TASP1: variants seen among roughly 807,000 people sequenced by gnomAD.
TASP1 encodes the protein threonine aspartase 1.
In TASP1, 16 loss-of-function variants were observed where a neutral mutation model predicts 56.6. The ratio of observed to expected loss-of-function variants is 0.28; its 90% CI spans 0.19 to 0.43. The LOEUF is 0.43. Among genes scored for constraint, TASP1 ranks in the 20% least tolerant of loss-of-function variants. The pLI is 1.00. For synonymous variants in TASP1, 179 were observed against 184.2 expected (o/e 0.97, Z 0.23); for missense variants, 393 against 511.6 (o/e 0.77, Z 2.24).
chr20:13,226,923 C>G, the TASP1 span, among the ~76,000 whole-genome samples: 36,017 of 152,034 alleles, frequency 0.24, 4,318 homozygotes, highest in African/African-American at 0.28. Flanking sequence ...GAAGAGCATG[C>G]GTACAGGGAG....
the TASP1 span, among the ~76,000 whole-genome samples, chr20:13,117,190 G>A: frequency 1.3e-5 from 2 of 152,178 alleles, no homozygotes; most frequent in African/African-American, 4.8e-5. Context: ...AATCCAGAAT[G>A]GTCAGTCTAG....
At chr20:13,261,458 A>G in the TASP1 span, among the ~76,000 whole-genome samples, 1 of 151,866 alleles carries the variant, frequency 6.6e-6, no homozygotes, top group Non-Finnish European at 1.5e-5. Context: ...AAGCTCAAAG[A>G]GTGTGGAAGC....
the TASP1 span, among the ~76,000 whole-genome samples, chr20:13,178,614 A>C: frequency 1.5e-4 from 23 of 152,146 alleles, no homozygotes; most frequent in African/African-American, 5.3e-4. Context: ...GAGGGAACTC[A>C]AGGACATTAT....
chr20:13,222,523 C>T, the TASP1 span, among the ~76,000 whole-genome samples: 7 of 152,052 alleles, frequency 4.6e-5, no homozygotes, highest in Non-Finnish European at 8.8e-5. Context: ...CCCCCTTGGT[C>T]ATGGGGAAGG....
At chr20:13,303,535 CA>C in the TASP1 span, among the ~76,000 whole-genome samples, 1 of 152,300 alleles carries the variant, frequency 6.6e-6, no homozygotes, top group African/African-American at 2.4e-5. Flanking sequence ...ACATAACAGG[CA>C]CCTAACCTTC....
chr20:13,271,882 G>A, the TASP1 span, among the ~76,000 whole-genome samples: 3 of 152,058 alleles, frequency 2.0e-5, no homozygotes, highest in Admixed American at 6.6e-5. Flanking sequence ...AGGCTCAAGC[G>A]ATCCTCCCAC....
At chr20:13,355,063 G>A in the TASP1 span, among the ~76,000 whole-genome samples, 1 of 152,136 alleles carries the variant, frequency 6.6e-6, no homozygotes, top group Admixed American at 6.5e-5. Flanking sequence ...TAGGAAAATA[G>A]AGGGAAAGGA....
At chr20:13,253,229 G>C in the TASP1 span, among the ~76,000 whole-genome samples, 4 of 152,150 alleles carry the variant, frequency 2.6e-5, no homozygotes, top group East Asian at 7.7e-4. Flanking sequence ...CTCACCCTGC[G>C]TGTTGATCTC....
chr20:13,495,938 T>C (rs1489050436), intron 10 of TASP1, among the ~76,000 whole-genome samples: 2 of 152,142 alleles, frequency 1.3e-5, no homozygotes, highest in Non-Finnish European at 1.5e-5. Context: ...AACCAATACA[T>C]AGATTCCATA....
chr20:13,464,285 A>C (rs749829734), intron 11 of TASP1, among the ~76,000 whole-genome samples: 1 of 152,208 alleles, frequency 6.6e-6, no homozygotes, highest in Non-Finnish European at 1.5e-5. Context: ...TAGGACACAG[A>C]AAACTCACAG....
chr20:13,631,128 C>T (rs1381922925), intron 1 of TASP1, among the ~76,000 whole-genome samples: 1 of 152,080 alleles, frequency 6.6e-6, no homozygotes, highest in African/African-American at 2.4e-5. Context: ...GTCTGACAAG[C>T]ACTGTTATCT....
At chr20:13,449,749 T>C (rs1360851870) in intron 11 of TASP1, among the ~76,000 whole-genome samples, 2 of 152,146 alleles carry the variant, frequency 1.3e-5, no homozygotes, top group Non-Finnish European at 2.9e-5. Context: ...CTTACAACTC[T>C]AGGTCTAGAA....
the TASP1 span, among the ~76,000 whole-genome samples, chr20:13,154,451 C>A: frequency 6.6e-6 from 1 of 152,158 alleles, no homozygotes; most frequent in Non-Finnish European, 1.5e-5. Context: ...GACCCAAGAT[C>A]GTTCTCAGGG....
At chr20:13,189,554 C>T in the TASP1 span, among the ~76,000 whole-genome samples, 13 of 151,976 alleles carry the variant, frequency 8.6e-5, no homozygotes, top group African/African-American at 2.2e-4. Context: ...TATGAAAAAA[C>T]GCTCAACATC....
chr20:13,369,680 A>G, the TASP1 span, among the ~76,000 whole-genome samples: 2 of 152,168 alleles, frequency 1.3e-5, no homozygotes, highest in African/African-American at 4.8e-5. Context: ...TAAATAATGG[A>G]TAGGTAGTTT....
At chr20:13,569,768 T>G (rs56294831) in intron 6 of TASP1, among the ~76,000 whole-genome samples, 182 bp from the exon 7 acceptor site, 3 of 152,136 alleles carry the variant, frequency 2.0e-5, no homozygotes, top group Admixed American at 6.5e-5. Context: ...TTCTCCAAAT[T>G]AGAAATTTTA....
At chr20:13,435,289 C>T (rs927227138) in intron 11 of TASP1, 135 bp from the exon 12 acceptor site, 6 of 678,686 alleles carry the variant, frequency 8.8e-6, no homozygotes, top group South Asian at 2.0e-5. Flanking sequence ...ATTGTTCATA[C>T]CTCATTATAT....
downstream of TASP1, among the ~76,000 whole-genome samples, chr20:13,388,300 G>A (rs142696837): frequency 3.3e-5 from 5 of 151,990 alleles, no homozygotes; most frequent in African/African-American, 4.8e-5. Flanking sequence ...TTTAATATCC[G>A]ATCTGATAAG....
At chr20:13,537,270 T>G (rs1310825504) in intron 8 of TASP1, among the ~76,000 whole-genome samples, 1 of 152,118 alleles carries the variant, frequency 6.6e-6, no homozygotes, top group Non-Finnish European at 1.5e-5. Context: ...TGAAAAGTCA[T>G]GCAAATAATA....
Sources: gnomAD v4.1 joint callset for allele counts (sites outside exome capture counted in the v4.1 genomes callset) on GRCh38, gnomAD v4.1.1 for gene constraint, MANE v1.5 for transcripts, NCBI Gene and HGNC (gene_info 2026-07-23, HGNC 2026-07-21) for gene names.